Variants in HMCN1 observed in about 807,000 individuals in gnomAD.
HMCN1 encodes the protein hemicentin-1.
Under a neutral mutation model 625.9 loss-of-function variants are expected in HMCN1, and 321 were observed. The observed-to-expected ratio is 0.51, with a 90% CI of 0.47 to 0.56. HMCN1 has a LOEUF of 0.56. Among genes scored for constraint, HMCN1 ranks in the 20% least tolerant of loss-of-function variants. The pLI, the probability that HMCN1 is intolerant of heterozygous loss-of-function variation, is 0.00. For missense variants in HMCN1, 6,588 were observed against 6,887.3 expected, an observed-to-expected ratio of 0.96 and a Z score of 1.54; for synonymous variants, 2,425 against 2,417.6, an observed-to-expected ratio of 1.00 and a Z score of -0.09.
intron 26 of HMCN1, 45 bp from the exon 27 acceptor site, chr1:186,001,251 AAT>A: frequency 6.5e-7 from 1 of 1,541,048 alleles, no homozygotes; most frequent in Non-Finnish European, 8.9e-7. Context: ...CTCTATAAAT[AAT>A]ATTTATTATG....
At chr1:186,095,927 T>C (rs545359655) in intron 68 of HMCN1, among the ~76,000 whole-genome samples, 92 of 152,288 alleles carry the variant, frequency 6.0e-4, no homozygotes, top group African/African-American at 2.1e-3. Context: ...GGAATAATCA[T>C]TTCAAATAGT....
chr1:186,181,702 T>G (rs1419110783), intron 104 of HMCN1, among the ~76,000 whole-genome samples: 1 of 152,124 alleles, frequency 6.6e-6, no homozygotes, highest in Non-Finnish European at 1.5e-5. Context: ...TGAGTGGGGC[T>G]GCAGGGAGAG....
At chr1:186,094,568 T>A (rs1322576963) in intron 67 of HMCN1, among the ~76,000 whole-genome samples, 195 bp downstream of exon 67, 1 of 152,142 alleles carries the variant, frequency 6.6e-6, no homozygotes, top group Non-Finnish European at 1.5e-5. Context: ...TGTCTGTTTA[T>A]CAAAATACTG....
At chr1:186,128,367 T>C in intron 83 of HMCN1, 76 bp downstream of exon 83, 1 of 1,212,714 alleles carries the variant, frequency 8.2e-7, no homozygotes, top group Non-Finnish European at 1.2e-6. Flanking sequence ...TTCCTCCAGC[T>C]GTGAAAATTG....
intron 1 of HMCN1, among the ~76,000 whole-genome samples, chr1:185,777,234 TCTC>T (rs1047713536): frequency 6.6e-6 from 1 of 151,188 alleles, no homozygotes; most frequent in Non-Finnish European, 1.5e-5. Context: ...TTTCGTGCTG[TCTC>T]CTCTCCATCT....
chr1:185,740,490 G>C (rs953270613), intron 1 of HMCN1, among the ~76,000 whole-genome samples: 8 of 152,044 alleles, frequency 5.3e-5, no homozygotes, highest in African/African-American at 1.9e-4. Flanking sequence ...CTGATGCTAT[G>C]GTTTGGATAT....
chr1:185,787,764 TGA>T (rs1657727090), intron 1 of HMCN1, among the ~76,000 whole-genome samples: 1 of 152,212 alleles, frequency 6.6e-6, no homozygotes, highest in African/African-American at 2.4e-5. Context: ...TGTAATTCTA[TGA>T]GGCAGTTTTA....
intron 1 of HMCN1, among the ~76,000 whole-genome samples, chr1:185,841,495 G>A (rs149205032): frequency 3.7e-4 from 56 of 152,226 alleles, no homozygotes; most frequent in Non-Finnish European, 7.2e-4. Flanking sequence ...TTGAGGCTCC[G>A]TGATGTAGTG....
intron 5 of HMCN1, 40 bp from the exon 6 acceptor site, chr1:185,911,634 A>G (rs1666425254): frequency 6.6e-6 from 9 of 1,359,180 alleles, no homozygotes; most frequent in Non-Finnish European, 9.5e-6. Flanking sequence ...CATAGCTGAG[A>G]GAAGGATTGT....
intron 97 of HMCN1, among the ~76,000 whole-genome samples, chr1:186,158,748 A>T (rs1651217292): frequency 6.6e-6 from 1 of 152,078 alleles, no homozygotes; most frequent in Admixed American, 6.6e-5. Flanking sequence ...ATAGTTGTAG[A>T]TATGTGGCAT....
At chr1:185,936,540 A>G (rs527855985) in intron 11 of HMCN1, among the ~76,000 whole-genome samples, 1 of 152,302 alleles carries the variant, frequency 6.6e-6, no homozygotes, top group African/African-American at 2.4e-5. Flanking sequence ...CCAAAAAGAA[A>G]ATGTTACTCT....
chr1:186,068,988 G>C (rs1658315880), intron 50 of HMCN1, among the ~76,000 whole-genome samples: 1 of 151,794 alleles, frequency 6.6e-6, no homozygotes, highest in African/African-American at 2.4e-5. Context: ...GAACATTCTA[G>C]AATTTAGTTG....
intron 68 of HMCN1, among the ~76,000 whole-genome samples, chr1:186,102,432 TA>T (rs1046116856): frequency 1.3e-5 from 2 of 152,126 alleles, no homozygotes; most frequent in Non-Finnish European, 2.9e-5. Flanking sequence ...GTAGTAGTAA[TA>T]AGTTTTTTAA....
At chr1:186,164,994 A>G (rs1651786904) in intron 97 of HMCN1, 117 bp from the exon 98 acceptor site, 5 of 889,360 alleles carry the variant, frequency 5.6e-6, no homozygotes, top group Middle Eastern at 2.2e-4. Flanking sequence ...CACCTATTGC[A>G]TTTTTGCATC....
At chr1:185,881,312 G>A (rs1259210826) in intron 4 of HMCN1, among the ~76,000 whole-genome samples, 1 of 152,216 alleles carries the variant, frequency 6.6e-6, no homozygotes, top group East Asian at 1.9e-4. Context: ...GGGAAGGGGA[G>A]CAGAAAAGGG....
chr1:185,879,571 A>G (rs1378316779), intron 4 of HMCN1, among the ~76,000 whole-genome samples: 1 of 152,130 alleles, frequency 6.6e-6, no homozygotes. Context: ...TCATTCCATA[A>G]CATTGTTGAG....
intron 1 of HMCN1, among the ~76,000 whole-genome samples, chr1:185,745,823 T>C (rs544335648): frequency 2.6e-5 from 4 of 152,260 alleles, no homozygotes; most frequent in South Asian, 4.1e-4. Flanking sequence ...GAAACTTACA[T>C]AGATGACAAC....
chr1:185,951,610 G>C (rs1668678477), intron 11 of HMCN1, among the ~76,000 whole-genome samples: 2 of 151,732 alleles, frequency 1.3e-5, no homozygotes, highest in South Asian at 4.2e-4. Flanking sequence ...AGAGAGCCTT[G>C]GGCCAGAGTT....
chr1:186,147,508 A>G (rs777371994), intron 93 of HMCN1, among the ~76,000 whole-genome samples: 1 of 152,018 alleles, frequency 6.6e-6, no homozygotes, highest in African/African-American at 2.4e-5. Context: ...TATTAATAAT[A>G]AAAGTAATGT....
Sources: gnomAD v4.1 joint callset for allele counts (sites outside exome capture counted in the v4.1 genomes callset) on GRCh38, gnomAD v4.1.1 for gene constraint, MANE v1.5 for transcripts, NCBI Gene and HGNC (gene_info 2026-07-23, HGNC 2026-07-21) for gene names.